The following KCNQ5 variants were observed in gnomAD, a reference collection of about 807,000 sequenced individuals.
KCNQ5 encodes potassium voltage-gated channel subfamily Q member 5, also known as potassium voltage-gated channel subfamily KQT member 5.
Under a neutral mutation model 98.2 loss-of-function variants are expected in KCNQ5, and 30 were observed. The observed-to-expected ratio is 0.31, with a 90% CI of 0.23 to 0.41. The LOEUF (loss-of-function observed/expected upper bound fraction) is 0.41, where lower values mean the gene tolerates loss of function less well. Among genes scored for constraint, KCNQ5 ranks in the 10% least tolerant of loss-of-function variants. The probability of loss-of-function intolerance (pLI) is 1.00; values close to 1 mark genes in which losing one functional copy is unlikely to be tolerated. For missense variants in KCNQ5, 835 were observed against 1,182.5 expected (o/e 0.71, Z 4.31); for synonymous variants, 458 against 449.4 (o/e 1.02, Z -0.24).
At chr6:73,125,858 T>A (rs9359016) in intron 9 of KCNQ5, among the ~76,000 whole-genome samples, 145,797 of 152,210 alleles carry the variant, frequency 0.96, 69,825 homozygotes, top group South Asian at 0.99. Flanking sequence ...AGCCAAGGGC[T>A]TTGGATATTC....
At chr6:72,780,474 A>G (rs1185539432) in intron 1 of KCNQ5, among the ~76,000 whole-genome samples, 1 of 152,204 alleles carries the variant, frequency 6.6e-6, no homozygotes, top group African/African-American at 2.4e-5. Flanking sequence ...GGGGGCTGGC[A>G]TCTGAGCACT....
At chr6:72,806,826 C>T (rs1011382210) in intron 1 of KCNQ5, 1 of 448,920 alleles carries the variant, frequency 2.2e-6, no homozygotes, top group Non-Finnish European at 4.5e-6. Flanking sequence ...GCTCATTAAG[C>T]CTTCCTTTCA....
At chr6:72,733,706 T>C (rs1770672180) in intron 1 of KCNQ5, among the ~76,000 whole-genome samples, 2 of 152,164 alleles carry the variant, frequency 1.3e-5, no homozygotes, top group Admixed American at 1.3e-4. Context: ...AAAGAAAACC[T>C]GGATAAGTGT....
intron 1 of KCNQ5, among the ~76,000 whole-genome samples, chr6:72,803,232 T>C (rs1306205025): frequency 2.6e-5 from 4 of 152,314 alleles, no homozygotes; most frequent in Admixed American, 2.0e-4. Context: ...CAATGCCACG[T>C]ACACGTTCAT....
At chr6:73,088,272 C>T (rs13204150) in intron 5 of KCNQ5, among the ~76,000 whole-genome samples, 3 of 152,060 alleles carry the variant, frequency 2.0e-5, no homozygotes, top group Non-Finnish European at 4.4e-5. Flanking sequence ...CCACCTGCCT[C>T]GGCCTCCCAA....
intron 7 of KCNQ5, 147 bp from the exon 8 acceptor site, chr6:73,120,336 C>T (rs1775695369): frequency 2.2e-6 from 1 of 446,244 alleles, no homozygotes; most frequent in South Asian, 7.7e-5. Context: ...CCAAAGTAGC[C>T]TTCTTCCTCC....
In KCNQ5 at chr6:73,022,702, TGA is replaced by T. The variant is rs143770229; in HGVS notation, c.489+18708_489+18709del. Among the ~76,000 whole-genome samples the T allele has an allele frequency of 6.7e-3, 1,027 of 152,264 alleles. 12 individuals are homozygous for T. Among genetic ancestry groups the T allele is most frequent in the African/African-American group, 0.024 (984 of 41,556 alleles). ...ATTCCTGACTTCATTCATGCTTAAA[TGA>T]GAGGACCTAAGTAAGTAGAATGAAA... is the stretch of plus-strand genomic sequence containing the variant. On this transcript the variant is annotated intron_variant, in intron 2 of 13. Transcript: ENST00000370398.
At chr6:72,787,078 T>C (rs1773793596) in intron 1 of KCNQ5, among the ~76,000 whole-genome samples, 1 of 151,328 alleles carries the variant, frequency 6.6e-6, no homozygotes, top group South Asian at 2.1e-4. Flanking sequence ...TGTGCATTTG[T>C]ATTATCTCCA....
intron 12 of KCNQ5, among the ~76,000 whole-genome samples, chr6:73,192,241 T>C (rs1210937559): frequency 3.3e-5 from 5 of 152,258 alleles, no homozygotes; most frequent in Non-Finnish European, 7.3e-5. Flanking sequence ...TCTATAGTTA[T>C]GATTTTTGTC....
At chr6:72,871,115 A>G (rs1014676603) in intron 1 of KCNQ5, among the ~76,000 whole-genome samples, 1 of 152,082 alleles carries the variant, frequency 6.6e-6, no homozygotes, top group African/African-American at 2.4e-5. Flanking sequence ...AGTCCTGCGT[A>G]CTCTGCCCAC....
chr6:72,855,597 T>C (rs1054540204), intron 1 of KCNQ5, among the ~76,000 whole-genome samples: 1 of 152,200 alleles, frequency 6.6e-6, no homozygotes, highest in Non-Finnish European at 1.5e-5. Flanking sequence ...AAGGAAATGA[T>C]GTTCATATGG....
chr6:72,861,680 C>T (rs1004118651), intron 1 of KCNQ5, among the ~76,000 whole-genome samples: 1 of 152,064 alleles, frequency 6.6e-6, no homozygotes, highest in Admixed American at 6.6e-5. Flanking sequence ...CTTCATGGGA[C>T]CCTGTACCAA....
chr6:72,737,574 T>G (rs1485363701), intron 1 of KCNQ5, among the ~76,000 whole-genome samples: 1 of 152,148 alleles, frequency 6.6e-6, no homozygotes, highest in Non-Finnish European at 1.5e-5. Flanking sequence ...GTGTTCTACC[T>G]GCGAATTTTG....
In KCNQ5 at chr6:72,771,385, C is replaced by G. The variant is rs751786672; in HGVS notation, c.398+148798C>G. Among the ~76,000 whole-genome samples the G allele has an allele frequency of 2.7e-4, 41 of 152,134 alleles. 1 individual carries two copies. Among genetic ancestry groups the G allele is most frequent in the Middle Eastern group, 3.4e-3 (1 of 294 alleles). ...GAGGATGTTCAACCTATTAGGCAAC[C>G]AAAGTATTTTTCAGCAATTTAAAAG... On this transcript the variant is annotated intron_variant, in intron 1 of 13. Coordinates refer to ENST00000370398, the MANE Select transcript of KCNQ5 (RefSeq NM_019842.4).
At chr6:72,707,158 A>C (rs1218310624) in intron 1 of KCNQ5, among the ~76,000 whole-genome samples, 1 of 152,226 alleles carries the variant, frequency 6.6e-6, no homozygotes, top group Non-Finnish European at 1.5e-5. Context: ...GTGCATATTC[A>C]CAAAGCCACC....
chr6:73,054,592 C>A (rs1772382161), intron 3 of KCNQ5, among the ~76,000 whole-genome samples: 1 of 152,172 alleles, frequency 6.6e-6, no homozygotes, highest in Admixed American at 6.5e-5. Flanking sequence ...AAAACAAAAA[C>A]CACATGATCA....
chr6:72,641,995 C>T (rs911457146), intron 1 of KCNQ5, among the ~76,000 whole-genome samples: 2 of 151,540 alleles, frequency 1.3e-5, no homozygotes, highest in Non-Finnish European at 2.9e-5. Context: ...GTTTTCTTAA[C>T]CTCCACGCTG....
chr6:72,646,573 C>T (rs1765606786), intron 1 of KCNQ5, among the ~76,000 whole-genome samples: 1 of 152,144 alleles, frequency 6.6e-6, no homozygotes, highest in South Asian at 2.1e-4. Flanking sequence ...CATGGGTAGA[C>T]AGAAGCTTTC....
intron 2 of KCNQ5, among the ~76,000 whole-genome samples, chr6:73,007,187 C>T (rs1769852473): frequency 6.6e-6 from 1 of 152,152 alleles, no homozygotes; most frequent in African/African-American, 2.4e-5. Flanking sequence ...CAAATGAATA[C>T]CTGTGTTAAT....
Sources: allele counts gnomAD v4.1 joint callset (sites outside exome capture counted in the v4.1 genomes callset), GRCh38; gene constraint gnomAD v4.1.1; transcripts MANE v1.5; gene names NCBI Gene and HGNC (gene_info 2026-07-23, HGNC 2026-07-21).